MCU: variants seen among roughly 807,000 people sequenced by gnomAD.
MCU encodes calcium uniporter protein, mitochondrial.
Under a neutral mutation model 45.2 loss-of-function variants are expected in MCU, and 12 were observed. The ratio of observed to expected loss-of-function variants is 0.27; its 90% CI spans 0.17 to 0.43. MCU has a LOEUF of 0.43. Among genes scored for constraint, MCU ranks in the 20% least tolerant of loss-of-function variants. The pLI, the probability that MCU is intolerant of heterozygous loss-of-function variation, is 1.00. For missense variants in MCU, 324 were observed against 436.7 expected (o/e 0.74, Z 2.30); for synonymous variants, 160 against 165.1 (o/e 0.97, Z 0.24).
At chr10:72,885,294 A>G (rs907972102) in intron 7 of MCU, among the ~76,000 whole-genome samples, 5 of 152,226 alleles carry the variant, frequency 3.3e-5, no homozygotes, top group Non-Finnish European at 7.3e-5. Flanking sequence ...TGAAAGTACT[A>G]CAGTTGACTA....
intron 1 of MCU, among the ~76,000 whole-genome samples, chr10:72,699,141 A>G (rs548812035): frequency 6.6e-6 from 1 of 152,150 alleles, no homozygotes; most frequent in Admixed American, 6.6e-5. Context: ...TGGCTCATGG[A>G]TATATTAGAA....
chr10:72,787,917 A>G (rs1428867188), intron 1 of MCU, among the ~76,000 whole-genome samples: 5 of 152,076 alleles, frequency 3.3e-5, no homozygotes, highest in Non-Finnish European at 5.9e-5. Context: ...GGGTTTCACC[A>G]TGTTGGTCAG....
intron 1 of MCU, among the ~76,000 whole-genome samples, chr10:72,774,621 CA>C (rs1207476240): frequency 6.6e-6 from 1 of 151,990 alleles, no homozygotes; most frequent in Non-Finnish European, 1.5e-5. Context: ...GATAAAGAAA[CA>C]AAACCCAACT....
intron 1 of MCU, among the ~76,000 whole-genome samples, chr10:72,762,526 A>G (rs16930097): frequency 0.053 from 8,013 of 152,212 alleles, 711 homozygotes; most frequent in African/African-American, 0.18. Context: ...TGTGAGAAGT[A>G]GTAAACTGGA....
At chr10:72,718,887 T>G (rs1316105937) in intron 1 of MCU, among the ~76,000 whole-genome samples, 1 of 152,172 alleles carries the variant, frequency 6.6e-6, no homozygotes. Context: ...ACACTAACAG[T>G]GTATGATTCC....
At chr10:72,828,440 A>G (rs2132825494) in intron 1 of MCU, among the ~76,000 whole-genome samples, 1 of 152,230 alleles carries the variant, frequency 6.6e-6, no homozygotes, top group East Asian at 1.9e-4. Flanking sequence ...GTTAATAAGG[A>G]AATAACTTTC....
intron 1 of MCU, among the ~76,000 whole-genome samples, chr10:72,754,879 C>T (rs1381959089): frequency 2.6e-5 from 4 of 152,140 alleles, no homozygotes; most frequent in Non-Finnish European, 4.4e-5. Context: ...CCCATACTGC[C>T]CAGTTTGCAG....
At chr10:72,792,701 TC>T (rs1217479833) in intron 1 of MCU, among the ~76,000 whole-genome samples, 1 of 18,012 alleles carries the variant, frequency 5.6e-5, no homozygotes, top group Non-Finnish European at 1.1e-4. Flanking sequence ...CCCTCTCCCC[TC>T]CCCCCCACCC....
chr10:72,791,472 A>ATTCTCTTTAGATAATGT (rs1020246583), intron 1 of MCU, among the ~76,000 whole-genome samples: 16 of 152,212 alleles, frequency 1.1e-4, no homozygotes, highest in African/African-American at 3.4e-4. Flanking sequence ...CCTTGGATGA[A>ATTCTCTTTAGATAATGT]TTCTCTTTAG....
chr10:72,747,811 C>T (rs532879712), intron 1 of MCU, among the ~76,000 whole-genome samples: 5 of 151,988 alleles, frequency 3.3e-5, no homozygotes, highest in East Asian at 1.9e-4. Context: ...CTTGACAGAA[C>T]GAGATCCTGT....
At chr10:72,816,160 G>A (rs1021528082) in intron 1 of MCU, among the ~76,000 whole-genome samples, 1 of 152,014 alleles carries the variant, frequency 6.6e-6, no homozygotes, top group African/African-American at 2.4e-5. Context: ...GACAGAGTGA[G>A]ACTCCATCTC....
Position 72,795,977 on chromosome 10 carries a change from G to A in MCU, c.151-38382G>A, listed in dbSNP as rs181122146. Reference sequence around the variant, plus strand: ...CGCACCACTGCACTCCAGCCTGCGCGACAGAGCAAGACTCCATCTCAATGA... The same window carrying A: ...CGCACCACTGCACTCCAGCCTGCGCAACAGAGCAAGACTCCATCTCAATGA... On this transcript the variant is annotated intron_variant, in intron 1 of 7. Coordinates refer to ENST00000373053, the MANE Select transcript of MCU (RefSeq NM_138357.3). Among the ~76,000 whole-genome samples the A allele has an allele frequency of 2.4e-3, 359 of 151,862 alleles. 1 individual carries two copies. The highest frequency in any genetic ancestry group is 8.2e-3 in the African/African-American group (338 of 41,398).
chr10:72,827,886 A>G (rs745717987), intron 1 of MCU, among the ~76,000 whole-genome samples: 1 of 152,178 alleles, frequency 6.6e-6, no homozygotes, highest in Admixed American at 6.6e-5. Flanking sequence ...TTCCCCCACT[A>G]TCCAATGTCC....
intron 2 of MCU, among the ~76,000 whole-genome samples, chr10:72,853,766 C>G (rs981036172): frequency 6.6e-6 from 1 of 152,062 alleles, no homozygotes; most frequent in African/African-American, 2.4e-5. Flanking sequence ...CCTGTGAGCC[C>G]AGCATTTTGG....
At chr10:72,820,140 A>G (rs1268164322) in intron 1 of MCU, among the ~76,000 whole-genome samples, 1 of 152,166 alleles carries the variant, frequency 6.6e-6, no homozygotes, top group Non-Finnish European at 1.5e-5. Context: ...TGCCTCAAAG[A>G]ATATTTCATT....
chr10:72,747,297 T>A (rs1756138886), intron 1 of MCU, among the ~76,000 whole-genome samples: 1 of 152,244 alleles, frequency 6.6e-6, no homozygotes, highest in Non-Finnish European at 1.5e-5. Context: ...TCTTGGAGGA[T>A]TAAGAATATA....
intron 1 of MCU, among the ~76,000 whole-genome samples, chr10:72,808,098 A>G (rs1844479890): frequency 6.6e-6 from 1 of 152,288 alleles, no homozygotes; most frequent in Admixed American, 6.5e-5. Flanking sequence ...GAATAGTCAC[A>G]TTTTACAATG....
rs148781250 is a variant in MCU, at chr10:72,829,679, T to C, written c.151-4680T>C. Among the ~76,000 whole-genome samples, 908 of 151,870 alleles carry C rather than the reference T, an allele frequency of 6.0e-3. 7 individuals carry two copies. Among genetic ancestry groups the C allele is most frequent in the South Asian group, 9.7e-3 (47 of 4,822 alleles). On this transcript the variant is annotated intron_variant, in intron 1 of 7. Coordinates refer to ENST00000373053, the MANE Select transcript of MCU (RefSeq NM_138357.3). ...ACAAACTTACTATTTTCTTGTGACA[T>C]GTTAAAAATACAAAATTTAAACCAT...
chr10:72,763,394 G>C (rs1043332855), intron 1 of MCU, among the ~76,000 whole-genome samples: 1 of 152,118 alleles, frequency 6.6e-6, no homozygotes, highest in Admixed American at 6.6e-5. Context: ...TGGGTGAAGC[G>C]GGAGTATGAG....
Sources: allele counts gnomAD v4.1 joint callset (sites outside exome capture counted in the v4.1 genomes callset), GRCh38; gene constraint gnomAD v4.1.1; transcripts MANE v1.5; gene names NCBI Gene and HGNC (gene_info 2026-07-23, HGNC 2026-07-21).